ACSM6: variants seen among roughly 807,000 people sequenced by gnomAD.
ACSM6 encodes acyl-coenzyme A synthetase ACSM6, mitochondrial.
In ACSM6, 35 loss-of-function variants were observed where a neutral mutation model predicts 51.1. That is an observed-to-expected ratio of 0.69 (90% confidence interval 0.52 to 0.91). The LOEUF is 0.91. Among genes scored for constraint, ACSM6 ranks in the 40% least tolerant of loss-of-function variants. The pLI, the probability that ACSM6 is intolerant of heterozygous loss-of-function variation, is 0.00. For synonymous variants in ACSM6, 172 were observed against 207.3 expected, an observed-to-expected ratio of 0.83 and a Z score of 1.46; for missense variants, 509 against 584.1, an observed-to-expected ratio of 0.87 and a Z score of 1.32.
chr10:95,217,813 A>C (rs1269124712), intron 8 of ACSM6, among the ~76,000 whole-genome samples: 1 of 152,244 alleles, frequency 6.6e-6, no homozygotes, highest in African/African-American at 2.4e-5. Context: ...ATCCTCACTT[A>C]GAAAGCTAAA....
At chr10:95,200,467 T>C (rs1000809808) in intron 2 of ACSM6, among the ~76,000 whole-genome samples, 10 of 150,618 alleles carry the variant, frequency 6.6e-5, no homozygotes, top group Non-Finnish European at 1.5e-5. Flanking sequence ...CTGCACATTG[T>C]ACACATGTAC....
chr10:95,214,028 A>G (rs190417529), intron 7 of ACSM6, among the ~76,000 whole-genome samples: 1 of 152,338 alleles, frequency 6.6e-6, no homozygotes, highest in Admixed American at 6.5e-5. Flanking sequence ...TTAAACCCTT[A>G]AAAGCACTTA....
chr10:95,220,675 C>G (rs1397180002), intron 9 of ACSM6, among the ~76,000 whole-genome samples: 1 of 151,858 alleles, frequency 6.6e-6, no homozygotes, highest in African/African-American at 2.4e-5. Flanking sequence ...TGAAATTGAC[C>G]CAATTTTGTT....
Position 95,207,420 on chromosome 10 carries a change from G to T in ACSM6, c.611+5G>T, listed in dbSNP as rs1231145057. 1 of 1,610,068 alleles carries T rather than the reference G, an allele frequency of 6.2e-7. No homozygotes were observed. Reference sequence around the variant, plus strand: ...GGATTTCAAGAAGTTGATTCAGTAAGTGGACACTGAATATGAGATGCTTAA... The same window carrying T: ...GGATTTCAAGAAGTTGATTCAGTAATTGGACACTGAATATGAGATGCTTAA... On this transcript the variant is annotated splice_donor_5th_base_variant and intron_variant, in intron 4 of 10. Coordinates refer to ENST00000341686, the Ensembl canonical transcript of ACSM6.
intron 6 of ACSM6, among the ~76,000 whole-genome samples, chr10:95,212,447 G>T (rs1041419109): frequency 1.3e-5 from 2 of 152,148 alleles, no homozygotes; most frequent in African/African-American, 2.4e-5. Context: ...GCAGAACTAG[G>T]AATTAAACTG....
At chr10:95,200,541 G>T (rs2034783353) in intron 2 of ACSM6, among the ~76,000 whole-genome samples, 1 of 149,354 alleles carries the variant, frequency 6.7e-6, no homozygotes, top group African/African-American at 2.5e-5. Flanking sequence ...AGAAGAAGAA[G>T]ATGAAAAGAA....
At chr10:95,194,394 A>G in intron 1 of ACSM6, 71 bp from the exon 2 acceptor site, 6 of 1,195,192 alleles carry the variant, frequency 5.0e-6, no homozygotes, top group Admixed American at 4.8e-5. Flanking sequence ...ATTCATTCTC[A>G]GCACTACAAT....
At chr10:95,213,754 G>A (rs2034918642) in intron 7 of ACSM6, among the ~76,000 whole-genome samples, 1 of 152,074 alleles carries the variant, frequency 6.6e-6, no homozygotes, top group South Asian at 2.1e-4. Context: ...GAAATCACAG[G>A]TTCTCAATCA....
At chr10:95,227,928 G>A (rs1167628322) in intron 10 of ACSM6, among the ~76,000 whole-genome samples, 14 of 152,132 alleles carry the variant, frequency 9.2e-5, no homozygotes, top group Non-Finnish European at 7.3e-5. Context: ...AAAATTAGCC[G>A]GGCTTGGTGA....
At chr10:95,198,648 C>A (rs2034759850) in intron 2 of ACSM6, among the ~76,000 whole-genome samples, 2 of 138,376 alleles carry the variant, frequency 1.4e-5, no homozygotes, top group Non-Finnish European at 1.6e-5. Flanking sequence ...AAGACTGTCT[C>A]AAAAAAAAAA....
chr10:95,201,411 G>T, intron 2 of ACSM6: 1 of 446,986 alleles, frequency 2.2e-6, no homozygotes, highest in South Asian at 1.6e-5. Context: ...GGCAGTATTT[G>T]ATTTTCTGTT....
chr10:95,200,935 G>A (rs569685612), intron 2 of ACSM6, among the ~76,000 whole-genome samples: 5 of 152,266 alleles, frequency 3.3e-5, no homozygotes, highest in East Asian at 1.9e-4. Context: ...GGACAAACCC[G>A]TGTTGTTAAG....
rs58102963 is a variant in ACSM6, at chr10:95,207,197, G to GT, written c.404-4dup. Reference sequence around the variant, plus strand: ...GATAAAAATGAAGCCTTCTTTTGTGGTTTTTTTCAGGAATCACCTTTGTGC... The same window carrying GT: ...GATAAAAATGAAGCCTTCTTTTGTGGTTTTTTTTCAGGAATCACCTTTGTGC... On this transcript the variant is annotated splice_polypyrimidine_tract_variant and intron_variant, in intron 3 of 10. Coordinates refer to ENST00000341686, the Ensembl canonical transcript of ACSM6. 1 of 1,613,366 alleles carries GT rather than the reference G, an allele frequency of 6.2e-7. No homozygotes were observed. Among genetic ancestry groups the GT allele is most frequent in the Non-Finnish European group, 8.5e-7 (1 of 1,179,646 alleles).
chr10:95,214,987 C>T lies in ACSM6; in HGVS notation c.1119+12C>T, dbSNP rs755013784. The T allele has an allele frequency of 2.0e-5, 31 of 1,550,916 alleles. No homozygotes were observed. The highest frequency in any genetic ancestry group is 3.9e-5 in the Admixed American group (2 of 50,930). ...GGCAGACGGAAACTGTAGGTTGATG[C>T]TGACTCACTATTTAGCCAGAAACCA... On this transcript the variant is annotated intron_variant, in intron 8 of 10. Transcript: ENST00000341686.
At chr10:95,215,295 G>A (rs2034933848) in intron 8 of ACSM6, among the ~76,000 whole-genome samples, 1 of 152,176 alleles carries the variant, frequency 6.6e-6, no homozygotes, top group South Asian at 2.1e-4. Flanking sequence ...TCTGAGTGGA[G>A]GATGTTTAAA....
intron 3 of ACSM6, among the ~76,000 whole-genome samples, chr10:95,204,283 T>C (rs772862882): frequency 2.2e-4 from 34 of 152,182 alleles, no homozygotes; most frequent in Admixed American, 2.2e-3. Flanking sequence ...CCGGGCGCAG[T>C]GGCTACGCCT....
Position 95,219,997 on chromosome 10 carries a change from A to G in ACSM6, c.1200+26A>G, listed in dbSNP as rs770277975. On this transcript the variant is annotated intron_variant, in intron 9 of 10. Transcript: ENST00000341686. ...GTAGGAGATCATAGTAATGATTATG[A>G]CAGATATTATTAAGTGAGCTCTTAC... 5 of 1,542,292 alleles carry G rather than the reference A, an allele frequency of 3.2e-6. No individual in the cohort carries two copies. The East Asian group carries it at 1.1e-4, about 35-fold the overall frequency.
At chr10:95,210,283 G>A (rs1429452199) in intron 4 of ACSM6, among the ~76,000 whole-genome samples, 6 of 152,164 alleles carry the variant, frequency 3.9e-5, no homozygotes, top group African/African-American at 1.4e-4. Flanking sequence ...AAGTAGAGTT[G>A]TCAGGGCTTG....
intron 8 of ACSM6, among the ~76,000 whole-genome samples, chr10:95,216,625 A>C (rs1273184804): frequency 6.6e-6 from 1 of 152,226 alleles, no homozygotes; most frequent in South Asian, 2.1e-4. Context: ...GGAATTGCAC[A>C]TAGCGTCAGA....
Sources: allele counts gnomAD v4.1 joint callset (sites outside exome capture counted in the v4.1 genomes callset), GRCh38; gene constraint gnomAD v4.1.1; transcripts MANE v1.5; gene names NCBI Gene and HGNC (gene_info 2026-07-23, HGNC 2026-07-21).